Variants in KNTC1 observed in about 807,000 individuals in gnomAD.
The protein encoded by KNTC1 is kinetochore-associated protein 1.
In KNTC1, 253 loss-of-function variants were observed where a neutral mutation model predicts 314.4. That is an observed-to-expected ratio of 0.80 (90% CI 0.73 to 0.89). KNTC1 has a LOEUF of 0.89. Among genes scored for constraint, KNTC1 ranks in the 40% least tolerant of loss-of-function variants. KNTC1 has a pLI of 0.00. For missense variants in KNTC1, 2,475 were observed against 2,572.9 expected, an observed-to-expected ratio of 0.96 and a Z score of 0.82; for synonymous variants, 901 against 901.4, an observed-to-expected ratio of 1.00 and a Z score of 0.01.
intron 59 of KNTC1, 99 bp downstream of exon 59, chr12:122,618,644 G>GCTTAACTTCCTAACAAA: frequency 1.1e-6 from 1 of 901,104 alleles, no homozygotes; most frequent in Non-Finnish European, 1.8e-6. Context: ...TTTTTGTTAG[G>GCTTAACTTCCTAACAAA]AAGTTAAGCA....
At chr12:122,563,746 T>G (rs2137860284) in intron 20 of KNTC1, 1 of 1,415,772 alleles carries the variant, frequency 7.1e-7, no homozygotes, top group East Asian at 2.6e-5. Flanking sequence ...CTCTTTAGAA[T>G]GATCTGGCTC....
At chr12:122,535,524 T>A (rs1221208052) in intron 3 of KNTC1, among the ~76,000 whole-genome samples, 1 of 152,148 alleles carries the variant, frequency 6.6e-6, no homozygotes, top group African/African-American at 2.4e-5. Flanking sequence ...GCGCCTATAG[T>A]TCCAGCTACT....
intron 6 of KNTC1, among the ~76,000 whole-genome samples, chr12:122,543,059 C>G (rs943835674): frequency 6.6e-6 from 1 of 151,940 alleles, no homozygotes; most frequent in South Asian, 2.1e-4. Flanking sequence ...ATTACAGGTG[C>G]GCACCACCAC....
chr12:122,545,808 G>A (rs891562269), intron 8 of KNTC1, among the ~76,000 whole-genome samples: 1 of 151,836 alleles, frequency 6.6e-6, no homozygotes, highest in Non-Finnish European at 1.5e-5. Flanking sequence ...TAAATTAGCC[G>A]GGTGTGGTGA....
At chr12:122,532,503 G>A (rs986603177) in intron 2 of KNTC1, among the ~76,000 whole-genome samples, 9 of 151,920 alleles carry the variant, frequency 5.9e-5, no homozygotes, top group African/African-American at 2.2e-4. Flanking sequence ...CACTGTGCCC[G>A]GGCTTTATTT....
rs2138008924 is a variant in KNTC1 at position 122,585,638 on chromosome 12, T to C, written c.3537T>C (p.Ala1179=). The C allele has an allele frequency of 1.9e-6, 3 of 1,613,828 alleles. No individual in the cohort carries two copies. The highest frequency in any genetic ancestry group is 1.3e-5 in the African/African-American group (1 of 75,028). Residue 1179 remains alanine (A), a splice_region_variant and synonymous_variant, in exon 37 of 64, where the codon GCT becomes GCC. Coordinates refer to ENST00000333479, the MANE Select transcript of KNTC1 (RefSeq NM_014708.6). ...QMDDCGILMK[A]SFGTHKDPYE... The stretch of plus-strand genomic sequence containing the variant: ...TTTTTGTATGATTTGGCACCTAGGC[T>C]TCTTTTGGGACACATAAAGATCCAT...
At chr12:122,605,133 T>G in intron 50 of KNTC1, 46 bp downstream of exon 50, 1 of 1,510,696 alleles carries the variant, frequency 6.6e-7, no homozygotes, top group African/African-American at 1.4e-5. Context: ...AGCTATTATT[T>G]TGATTCTCAG....
intron 38 of KNTC1, among the ~76,000 whole-genome samples, chr12:122,587,323 T>C (rs1331727633): frequency 6.6e-6 from 1 of 152,258 alleles, no homozygotes; most frequent in Non-Finnish European, 1.5e-5. Flanking sequence ...AAATTCTAAA[T>C]ATGAATGTGA....
At chr12:122,621,327 A>C (rs958003464) in intron 60 of KNTC1, among the ~76,000 whole-genome samples, 28 of 152,224 alleles carry the variant, frequency 1.8e-4, no homozygotes, top group African/African-American at 6.5e-4. Context: ...ATAAATGAAC[A>C]TACATGCATT....
At chr12:122,567,308 G>A (rs1254980187) in intron 20 of KNTC1, among the ~76,000 whole-genome samples, 1 of 151,538 alleles carries the variant, frequency 6.6e-6, no homozygotes, top group Non-Finnish European at 1.5e-5. Context: ...GACCTCAAGT[G>A]GTCCACCCAC....
chr12:122,547,230 C>T (rs987476923), intron 10 of KNTC1, among the ~76,000 whole-genome samples, 185 bp from the exon 11 acceptor site: 10 of 151,716 alleles, frequency 6.6e-5, no homozygotes, highest in Admixed American at 3.9e-4. Context: ...AAAAAATTAG[C>T]TGGGCGTGGT....
chr12:122,612,210 C>T (rs1292515106), intron 53 of KNTC1, among the ~76,000 whole-genome samples: 24 of 151,164 alleles, frequency 1.6e-4, no homozygotes, highest in African/African-American at 5.3e-4. Flanking sequence ...GGATTACAGG[C>T]GCACGCCACC....
intron 44 of KNTC1, among the ~76,000 whole-genome samples, chr12:122,600,459 A>G (rs1055223386): frequency 2.6e-5 from 4 of 152,166 alleles, no homozygotes; most frequent in African/African-American, 4.8e-5. Context: ...CTTGCACTAT[A>G]GTATATAGTT....
chr12:122,589,977 G>A (rs1044991838), intron 40 of KNTC1, among the ~76,000 whole-genome samples: 1 of 151,708 alleles, frequency 6.6e-6, no homozygotes, highest in Non-Finnish European at 1.5e-5. Flanking sequence ...TAGAGACCGG[G>A]TTTCACTGTG....
intron 5 of KNTC1, among the ~76,000 whole-genome samples, chr12:122,540,474 A>G (rs1962216656): frequency 1.3e-5 from 2 of 152,018 alleles, no homozygotes; most frequent in Non-Finnish European, 2.9e-5. Flanking sequence ...TATTTTTTAT[A>G]CATTTTTTTC....
rs1593707300 is a variant in KNTC1, at chr12:122,626,348, C to A, written c.*120C>A. Reference sequence around the variant, plus strand: ...ATTATAGCTATTTGTCTAACATTACCCCACATGTAATAAATAAAACAATAT... The same window carrying A: ...ATTATAGCTATTTGTCTAACATTACACCACATGTAATAAATAAAACAATAT... On this transcript the variant is annotated 3_prime_UTR_variant, in exon 64 of 64. Transcript: ENST00000333479. 1 of 689,902 alleles carries A rather than the reference C, an allele frequency of 1.4e-6. No homozygotes were observed. Among genetic ancestry groups the A allele is most frequent in the Non-Finnish European group, 2.5e-6 (1 of 395,546 alleles). 42.7% of individuals were successfully genotyped at this position (689,902 alleles called of 1,614,324 possible). A position where few individuals can be genotyped will look rare whatever the true frequency, so the allele number is the denominator to read the frequency against.
At chr12:122,583,608 T>C (rs1868762889) in intron 34 of KNTC1, among the ~76,000 whole-genome samples, 1 of 151,890 alleles carries the variant, frequency 6.6e-6, no homozygotes, top group East Asian at 1.9e-4. Context: ...GGCAGATCAC[T>C]TGAGGTCAGG....
chr12:122,614,749 C>T (rs1259182414), intron 55 of KNTC1, among the ~76,000 whole-genome samples: 1 of 151,882 alleles, frequency 6.6e-6, no homozygotes, highest in Non-Finnish European at 1.5e-5. Flanking sequence ...GGCATGATGG[C>T]GGCCGCCTGT....
chr12:122,568,128 G>C, intron 20 of KNTC1, 133 bp from the exon 21 acceptor site: 2 of 591,164 alleles, frequency 3.4e-6, no homozygotes, highest in Non-Finnish European at 3.0e-6. Flanking sequence ...TTGGAACTGG[G>C]TTTTTTTTAG....
Sources: gnomAD v4.1 joint callset for allele counts (sites outside exome capture counted in the v4.1 genomes callset) on GRCh38, gnomAD v4.1.1 for gene constraint, MANE v1.5 for transcripts, NCBI Gene and HGNC (gene_info 2026-07-23, HGNC 2026-07-21) for gene names.